ST3GAL2: variants seen among roughly 807,000 people sequenced by gnomAD.
The protein encoded by ST3GAL2 is CMP-N-acetylneuraminate-beta-galactosamide-alpha-2,3-sialyltransferase 2.
A neutral mutation model predicts 37.5 loss-of-function variants in ST3GAL2; 16 were observed. The ratio of observed to expected loss-of-function variants is 0.43; its 90% CI spans 0.29 to 0.65. ST3GAL2 has a LOEUF of 0.65. Among genes scored for constraint, ST3GAL2 ranks in the 30% least tolerant of loss-of-function variants. ST3GAL2 has a pLI of 0.17. For synonymous variants in ST3GAL2, 238 were observed against 202.9 expected (o/e 1.17, Z -1.47); for missense variants, 383 against 487.8 (o/e 0.79, Z 2.02).
intron 1 of ST3GAL2, among the ~76,000 whole-genome samples, chr16:70,420,010 G>GAC (rs1555561055): frequency 1.1e-5 from 1 of 89,284 alleles, no homozygotes; most frequent in Non-Finnish European, 2.4e-5. Context: ...CTGACCATTT[G>GAC]ACCCCCCCCT....
intron 1 of ST3GAL2, among the ~76,000 whole-genome samples, chr16:70,410,239 C>CTTTTTTTTTTTTTTTTTTTT (rs1567672969): frequency 1.3e-5 from 1 of 78,174 alleles, no homozygotes; most frequent in East Asian, 3.0e-4. Context: ...TCCACCCTCA[C>CTTTTTTTTTTTTTTTTTTTT]CTTTTTTTTT....
intron 1 of ST3GAL2, among the ~76,000 whole-genome samples, chr16:70,409,754 C>T (rs546463463): frequency 1.3e-5 from 2 of 152,012 alleles, no homozygotes; most frequent in South Asian, 4.2e-4. Context: ...GATCCTACCT[C>T]AGGCCCCCGA....
In ST3GAL2 at chr16:70,398,750, G is replaced by T. The variant is rs1325210509; in HGVS notation, c.-220C>A. ...CTGTCCTGTCCCTGAGTCAGGCGGGGCCCCTGCTTAGGGCTTCATCGGGTC... is the reference window on the plus strand; with the variant it reads ...CTGTCCTGTCCCTGAGTCAGGCGGGTCCCCTGCTTAGGGCTTCATCGGGTC... On this transcript the variant is annotated 5_prime_UTR_variant, in exon 2 of 7. Coordinates refer to ENST00000342907, the MANE Select transcript of ST3GAL2 (RefSeq NM_006927.4). 1.0e-5 allele frequency: 6 copies of T among 599,174 alleles called. No individual in the cohort carries two copies. The highest frequency in any genetic ancestry group is 7.4e-5 in the African/African-American group (4 of 53,862). 37.1% of individuals were successfully genotyped at this position (599,174 alleles called of 1,614,324 possible). A position where few individuals can be genotyped will look rare whatever the true frequency, so the allele number is the denominator to read the frequency against.
chr16:70,389,810 G>A (rs2047470521), intron 3 of ST3GAL2, among the ~76,000 whole-genome samples: 2 of 148,054 alleles, frequency 1.4e-5, no homozygotes, highest in African/African-American at 2.5e-5. Flanking sequence ...TTTTTGAGAC[G>A]GAGTCTTGCT....
At position 70,381,676 on chromosome 16, in the gene ST3GAL2, G is replaced by C. The variant is rs561825927; in HGVS notation, c.*13C>G. The C allele has an allele frequency of 6.2e-7, 1 of 1,611,326 alleles. No individual in the cohort carries two copies. The highest frequency in any genetic ancestry group is 1.1e-5 in the South Asian group (1 of 90,988). On this transcript the variant is annotated 3_prime_UTR_variant, in exon 7 of 7. Coordinates refer to ENST00000342907, the MANE Select transcript of ST3GAL2 (RefSeq NM_006927.4). Reference sequence around the variant, plus strand: ...CCGATAGATGGGCCGGAAGGGTCGCGGCGAGGCCCGGCTCAGTTGCCCCGG... The same window carrying C: ...CCGATAGATGGGCCGGAAGGGTCGCCGCGAGGCCCGGCTCAGTTGCCCCGG...
In ST3GAL2 at chr16:70,399,039, G is replaced by A. The variant is rs981667419; in HGVS notation, c.-509C>T. 4.5e-5 allele frequency: 18 copies of A among 403,098 alleles called. No homozygotes were observed. Among genetic ancestry groups the A allele is most frequent in the Non-Finnish European group, 7.9e-5 (18 of 228,736 alleles). 25.0% of individuals were successfully genotyped at this position (403,098 alleles called of 1,614,324 possible). Reference sequence around the variant, plus strand: ...AACAGAGAGCACAGGGGCTTCAGGGGACTTGGGTTCCATGCAAGTGTTGTC... The same window carrying A: ...AACAGAGAGCACAGGGGCTTCAGGGAACTTGGGTTCCATGCAAGTGTTGTC... On this transcript the variant is annotated 5_prime_UTR_variant, in exon 2 of 7. Coordinates refer to ENST00000342907, the MANE Select transcript of ST3GAL2 (RefSeq NM_006927.4).
Position 70,381,695 on chromosome 16 carries a change from G to A in ST3GAL2, c.1047C>T (p.Gly349=). Residue 349 remains glycine, a synonymous_variant, in exon 7 of 7, where the codon GGC becomes GGT. Transcript: ENST00000342907. ...GGTCGCGGCGAGGCCCGGCTCAGTTGCCCCGGTAGACTTCGATCTTGCTGG... is the reference window on the plus strand; with the variant it reads ...GGTCGCGGCGAGGCCCGGCTCAGTTACCCCGGTAGACTTCGATCTTGCTGG... ...AKASKIEVYR[G]N 1 of 1,613,446 alleles carries A rather than the reference G, an allele frequency of 6.2e-7. No homozygotes were observed. The highest frequency in any genetic ancestry group is 8.5e-7 in the Non-Finnish European group (1 of 1,179,728).
At position 70,378,156 on chromosome 16, in the gene ST3GAL2, G is replaced by T. The variant is rs1171750851; in HGVS notation, c.*3533C>A. ...GTTTTAAAAATCTATTATGGGCTGG[G>T]TGTGGTCAAACATTGGGAGGCCAAA... On this transcript the variant is annotated 3_prime_UTR_variant, in exon 7 of 7. Coordinates refer to ENST00000342907, the MANE Select transcript of ST3GAL2 (RefSeq NM_006927.4). 4 of 152,098 alleles carry T rather than the reference G, an allele frequency of 2.6e-5. No homozygotes were observed. The highest frequency in any genetic ancestry group is 2.6e-4 in the Admixed American group (4 of 15,260). The allele number at this position is 152,098 out of a possible 1,614,324, so 9.4% of individuals were successfully genotyped here.
chr16:70,387,733 G>A (rs757803445), intron 4 of ST3GAL2, among the ~76,000 whole-genome samples: 60 of 152,042 alleles, frequency 3.9e-4, no homozygotes, highest in Non-Finnish European at 7.5e-4. Flanking sequence ...CATGGTTCCC[G>A]GCTATGATGG....
chr16:70,406,178 TCACCCCTGTAATCC>T (rs2047591147), intron 1 of ST3GAL2, among the ~76,000 whole-genome samples: 1 of 151,892 alleles, frequency 6.6e-6, no homozygotes, highest in Non-Finnish European at 1.5e-5. Flanking sequence ...GCGTGGTGGC[TCACCCCTGTAATCC>T]CAGCACTCTG....
intron 1 of ST3GAL2, among the ~76,000 whole-genome samples, chr16:70,409,049 G>A (rs2047617147): frequency 6.6e-6 from 1 of 152,022 alleles, no homozygotes; most frequent in Admixed American, 6.6e-5. Context: ...GCTACCTCAG[G>A]AGGGAGCCCC....
intron 1 of ST3GAL2, among the ~76,000 whole-genome samples, chr16:70,437,278 C>G (rs1334491651): frequency 1.3e-5 from 2 of 152,222 alleles, no homozygotes; most frequent in Admixed American, 6.5e-5. Flanking sequence ...CCCCTGGCCT[C>G]CCTTCCTCCA....
In ST3GAL2 at chr16:70,382,550, C is replaced by G. The variant is rs528721441; in HGVS notation, c.879+255G>C. 2.0e-5 allele frequency among the ~76,000 whole-genome samples: 3 copies of G among 152,272 alleles called. No homozygotes were observed. In the East Asian group the frequency reaches 5.8e-4, roughly 29 times the overall value. On this transcript the variant is annotated intron_variant, in intron 6 of 6. Transcript: ENST00000342907. ...CCGCCCGCCTCAGCTTCCCAAAGTG[C>G]TGGGATTACAGGCGTCAGCCACCGC...
At chr16:70,428,461 CA>C (rs2047766328) in intron 1 of ST3GAL2, among the ~76,000 whole-genome samples, 1 of 152,192 alleles carries the variant, frequency 6.6e-6, no homozygotes, top group Non-Finnish European at 1.5e-5. Flanking sequence ...CTGCCATTAA[CA>C]ACCCCTCCCC....
At chr16:70,416,304 G>C (rs983378615) in intron 1 of ST3GAL2, among the ~76,000 whole-genome samples, 1 of 152,132 alleles carries the variant, frequency 6.6e-6, no homozygotes, top group Non-Finnish European at 1.5e-5. Context: ...GGCCTCCCCA[G>C]CCTCATCTCT....
intron 1 of ST3GAL2, among the ~76,000 whole-genome samples, chr16:70,427,712 C>G (rs980225073): frequency 1.3e-5 from 2 of 152,186 alleles, no homozygotes; most frequent in Non-Finnish European, 2.9e-5. Flanking sequence ...ATGTAAGAGT[C>G]ATATGTGAGC....
At chr16:70,384,705 C>CAAAAAAAAA (rs34907504) in intron 4 of ST3GAL2, among the ~76,000 whole-genome samples, 31 of 69,102 alleles carry the variant, frequency 4.5e-4, no homozygotes, top group African/African-American at 2.1e-3. Flanking sequence ...AACTCTGTCT[C>CAAAAAAAAA]AAAAAAAAAA....
At chr16:70,419,717 T>C (rs2047700803) in intron 1 of ST3GAL2, among the ~76,000 whole-genome samples, 1 of 152,210 alleles carries the variant, frequency 6.6e-6, no homozygotes, top group African/African-American at 2.4e-5. Context: ...GCCTCGCTAG[T>C]GCTGGCATCA....
chr16:70,407,199 GGC>G (rs2047598654), intron 1 of ST3GAL2, among the ~76,000 whole-genome samples: 1 of 151,062 alleles, frequency 6.6e-6, no homozygotes, highest in South Asian at 2.1e-4. Flanking sequence ...GGAGTGCAGT[GGC>G]GCAATATTGG....
Sources: gnomAD v4.1 joint callset for allele counts (sites outside exome capture counted in the v4.1 genomes callset) on GRCh38, gnomAD v4.1.1 for gene constraint, MANE v1.5 for transcripts, NCBI Gene and HGNC (gene_info 2026-07-23, HGNC 2026-07-21) for gene names.